RBFOX2: variants seen among roughly 807,000 people sequenced by gnomAD.
The protein encoded by RBFOX2 is RNA binding fox-1 homolog 2.
Under a neutral mutation model 49.1 loss-of-function variants are expected in RBFOX2, and 10 were observed. The ratio of observed to expected loss-of-function variants is 0.20; its 90% confidence interval spans 0.13 to 0.35. RBFOX2 has a LOEUF of 0.35. RBFOX2 is among the 10% of genes least tolerant of loss of function. The pLI is 1.00. For missense variants in RBFOX2, 323 were observed against 486.9 expected (o/e 0.66, Z 3.17); for synonymous variants, 183 against 187.4 (o/e 0.98, Z 0.19).
At chr22:35,775,773 G>A (rs1475080761) in intron 4 of RBFOX2, among the ~76,000 whole-genome samples, 3 of 147,370 alleles carry the variant, frequency 2.0e-5, no homozygotes, top group East Asian at 2.0e-4. Flanking sequence ...CCCAGGAGGC[G>A]GAGGTTGCAG....
intron 1 of RBFOX2, among the ~76,000 whole-genome samples, chr22:35,952,010 C>T (rs2149851856): frequency 6.6e-6 from 1 of 152,300 alleles, no homozygotes; most frequent in East Asian, 1.9e-4. Flanking sequence ...CAGAGTGGCT[C>T]TTATCTGTTA....
intron 4 of RBFOX2, among the ~76,000 whole-genome samples, chr22:35,775,828 C>T (rs1167976125): frequency 1.8e-4 from 20 of 111,322 alleles, no homozygotes; most frequent in Non-Finnish European, 3.0e-4. Flanking sequence ...GGCAACAGAG[C>T]GAGAATCTGC....
intron 1 of RBFOX2, among the ~76,000 whole-genome samples, chr22:35,852,267 T>C (rs1006036473): frequency 4.6e-5 from 7 of 152,104 alleles, no homozygotes; most frequent in African/African-American, 1.7e-4. Flanking sequence ...AATTTTGGTA[T>C]CTGCAGGGGT....
At chr22:35,776,734 G>A (rs1002510071) in intron 4 of RBFOX2, among the ~76,000 whole-genome samples, 1 of 152,144 alleles carries the variant, frequency 6.6e-6, no homozygotes, top group African/African-American at 2.4e-5. Context: ...CTAAAAAATT[G>A]CTCTAACCTA....
At chr22:35,842,655 C>G (rs532042891), upstream of RBFOX2, among the ~76,000 whole-genome samples, 1 of 152,032 alleles carries the variant, frequency 6.6e-6, no homozygotes, top group Non-Finnish European at 1.5e-5. Flanking sequence ...CTATTCTTGA[C>G]AAAAAGCCTG....
chr22:35,807,882 AG>A (rs540343958), intron 2 of RBFOX2, among the ~76,000 whole-genome samples: 341 of 152,240 alleles, frequency 2.2e-3, no homozygotes, highest in African/African-American at 7.8e-3. Flanking sequence ...TGCCAAATCA[AG>A]AATATAAACA....
At chr22:35,967,144 C>A (rs1368998392) in intron 1 of RBFOX2, among the ~76,000 whole-genome samples, 1 of 152,134 alleles carries the variant, frequency 6.6e-6, no homozygotes, top group Non-Finnish European at 1.5e-5. Context: ...TTAATGGCGT[C>A]TTTTAATGAA....
At chr22:35,869,085 C>T (rs751671829) in intron 1 of RBFOX2, among the ~76,000 whole-genome samples, 5 of 152,126 alleles carry the variant, frequency 3.3e-5, no homozygotes, top group Non-Finnish European at 7.4e-5. Flanking sequence ...CCTAGGCTAC[C>T]CCACCCCACT....
chr22:36,023,099 C>T (rs2059306419), intron 1 of RBFOX2, among the ~76,000 whole-genome samples: 1 of 152,080 alleles, frequency 6.6e-6, no homozygotes, highest in Non-Finnish European at 1.5e-5. Flanking sequence ...TATAACTCTT[C>T]TTGAATGGTA....
chr22:35,881,902 T>C (rs953977694), intron 1 of RBFOX2, among the ~76,000 whole-genome samples: 1 of 147,566 alleles, frequency 6.8e-6, no homozygotes, highest in Non-Finnish European at 1.5e-5. Context: ...GAGGTTGCAG[T>C]GAGCCAAGAT....
intron 2 of RBFOX2, among the ~76,000 whole-genome samples, chr22:35,790,444 A>C (rs1233893972): frequency 6.6e-6 from 1 of 152,220 alleles, no homozygotes; most frequent in Non-Finnish European, 1.5e-5. Flanking sequence ...CTCAGATATA[A>C]GGTGAGGATT....
At chr22:35,840,309 C>G in exon 1 of RBFOX2, 2 of 1,594,004 alleles carry the variant, frequency 1.3e-6, no homozygotes, top group Admixed American at 1.7e-5. Context: ...CCCCCCCAAT[C>G]TAGCTATTTA....
At chr22:35,934,332 A>C (rs2052797304) in intron 1 of RBFOX2, among the ~76,000 whole-genome samples, 1 of 152,130 alleles carries the variant, frequency 6.6e-6, no homozygotes, top group African/African-American at 2.4e-5. Context: ...CTCTATATTA[A>C]AATAAAAGTT....
rs764178652 is a variant in RBFOX2 at position 35,781,756 on chromosome 22, G to T, written c.253-10C>A. On this transcript the variant is annotated splice_polypyrimidine_tract_variant and intron_variant, in intron 2 of 11. Transcript: ENST00000405409. ...CTCCACCTTCTGTCTGCTAAGCAAA[G>T]AAATAAAGAATGAAAAATATACACA... The T allele has an allele frequency of 6.2e-7, 1 of 1,613,358 alleles. No individual in the cohort carries two copies. Among genetic ancestry groups the T allele is most frequent in the Non-Finnish European group, 8.5e-7 (1 of 1,179,824 alleles).
intron 1 of RBFOX2, among the ~76,000 whole-genome samples, chr22:35,888,643 G>C (rs1356964444): frequency 2.0e-5 from 3 of 152,200 alleles, no homozygotes; most frequent in Non-Finnish European, 4.4e-5. Flanking sequence ...AGAAAGGGAA[G>C]AGGGGTTGAA....
intron 1 of RBFOX2, among the ~76,000 whole-genome samples, chr22:35,979,924 C>T (rs551425668): frequency 6.6e-4 from 100 of 152,222 alleles, no homozygotes; most frequent in Middle Eastern, 6.8e-3. Context: ...CATCACGTAA[C>T]GAAGTATGTG....
chr22:35,755,655 A>G (rs1336937713), intron 9 of RBFOX2, among the ~76,000 whole-genome samples: 2 of 152,232 alleles, frequency 1.3e-5, no homozygotes, highest in African/African-American at 4.8e-5. Context: ...TCACAGCTCT[A>G]ATGATCTAAA....
intron 1 of RBFOX2, among the ~76,000 whole-genome samples, chr22:35,972,055 T>A (rs1438916722): frequency 6.6e-6 from 1 of 151,910 alleles, no homozygotes; most frequent in African/African-American, 2.4e-5. Context: ...ACTGCCCTTC[T>A]GGGGTCACCA....
intron 1 of RBFOX2, among the ~76,000 whole-genome samples, chr22:35,875,540 G>GT (rs1435382087): frequency 1.3e-5 from 2 of 149,986 alleles, no homozygotes; most frequent in African/African-American, 4.9e-5. Flanking sequence ...ACTTACAAAA[G>GT]TAACATATCC....
Sources: gnomAD v4.1 joint callset for allele counts (sites outside exome capture counted in the v4.1 genomes callset) on GRCh38, gnomAD v4.1.1 for gene constraint, MANE v1.5 for transcripts, NCBI Gene and HGNC (gene_info 2026-07-23, HGNC 2026-07-21) for gene names.